Variants in CASZ1 observed in about 807,000 individuals in gnomAD.
CASZ1 encodes zinc finger protein castor homolog 1.
CASZ1 carries 28 observed loss-of-function variants against 135.2 expected under a neutral mutation model. The ratio of observed to expected loss-of-function variants is 0.21; its 90% confidence interval spans 0.15 to 0.28. CASZ1 has a LOEUF of 0.28. Among genes scored for constraint, CASZ1 ranks in the 10% least tolerant of loss-of-function variants. The pLI is 1.00. For missense variants in CASZ1, 2,161 were observed against 2,453.3 expected (o/e 0.88, Z 2.52); for synonymous variants, 1,068 against 1,073.4 (o/e 0.99, Z 0.10).
rs1255526246 is a variant in CASZ1, at chr1:10,701,064, G to C, written c.-24+4428C>G. Among the ~76,000 whole-genome samples, 1 of 152,180 alleles carries C rather than the reference G, an allele frequency of 6.6e-6. No individual in the cohort carries two copies. Among genetic ancestry groups the C allele is most frequent in the Non-Finnish European group, 1.5e-5 (1 of 68,034 alleles). Reference sequence around the variant, plus strand: ...TAATATGGATCAGTCCAAGGCCTGGGCTGGTGTCCATGGGTGTATACCATT... The same window carrying C: ...TAATATGGATCAGTCCAAGGCCTGGCCTGGTGTCCATGGGTGTATACCATT... On this transcript the variant is annotated intron_variant, in intron 3 of 20. Transcript: ENST00000377022. This position sits in a 1 kb window ranked among gnomAD's most constrained non-coding sequence, Gnocchi z 6.3.
At position 10,699,162 on chromosome 1, in the gene CASZ1, G is replaced by A. The variant is rs1488175093; in HGVS notation, c.-23-5250C>T. Among the ~76,000 whole-genome samples, 5 of 152,206 alleles carry A rather than the reference G, an allele frequency of 3.3e-5. No homozygotes were observed. Among genetic ancestry groups the A allele is most frequent in the Admixed American group, 2.6e-4 (4 of 15,288 alleles). ...AGGGTACCAGCCTTCGGGGAGAAGA[G>A]CTGGGGATCGACATGGCCCAAATCT... On this transcript the variant is annotated intron_variant, in intron 3 of 20. Coordinates refer to ENST00000377022, the MANE Select transcript of CASZ1 (RefSeq NM_001079843.3). The surrounding 1 kb of genome is among the most constrained non-coding windows in gnomAD (Gnocchi z 4.6).
chr1:10,778,838 G>T (rs1640708516), intron 1 of CASZ1, among the ~76,000 whole-genome samples: 1 of 152,138 alleles, frequency 6.6e-6, no homozygotes, highest in Non-Finnish European at 1.5e-5. Flanking sequence ...GGGCGTGACT[G>T]CCCAGAACAC....
Position 10,741,991 on chromosome 1 carries a change from G to A in CASZ1, c.-77+18710C>T, listed in dbSNP as rs943257518. 1.6e-4 allele frequency among the ~76,000 whole-genome samples: 25 copies of A among 151,866 alleles called. No individual in the cohort carries two copies. The highest frequency in any genetic ancestry group is 5.8e-4 in the African/African-American group (24 of 41,318). On this transcript the variant is annotated intron_variant, in intron 2 of 20. Transcript: ENST00000377022. The surrounding 1 kb of genome is among the most constrained non-coding windows in gnomAD (Gnocchi z 5.0). ...ACACGGACCCCTCACCGCTTCTCACGTGCCCCCAGCCGCAACCCCACCACG... is the reference window on the plus strand; with the variant it reads ...ACACGGACCCCTCACCGCTTCTCACATGCCCCCAGCCGCAACCCCACCACG...
chr1:10,776,565 T>G lies in CASZ1; in HGVS notation c.-233-15708A>C, dbSNP rs1261060795. 6.6e-6 allele frequency among the ~76,000 whole-genome samples: 1 copy of G among 152,112 alleles called. No homozygotes were observed. The highest frequency in any genetic ancestry group is 1.9e-4 in the East Asian group (1 of 5,196). On this transcript the variant is annotated intron_variant, in intron 1 of 20. Transcript: ENST00000377022. This position sits in a 1 kb window ranked among gnomAD's most constrained non-coding sequence, Gnocchi z 4.1. ...AGACAGGCAGTGATCGATAAGCAGG[T>G]GCATGGGGCATGGGTTGGGGGCACT...
Position 10,636,756 on chromosome 1 carries a change from CGAG to C in CASZ1, c.*2183_*2185del, listed in dbSNP as rs1046628011. ...TATTCAGTTCTTAATAACCAGGTGC[CGAG>C]GAGACCAGATTCAAGTAATCAGAGC... On this transcript the variant is annotated 3_prime_UTR_variant, in exon 21 of 21. Transcript: ENST00000377022. The C allele has an allele frequency of 1.3e-5, 2 of 152,064 alleles. No homozygotes were observed. Among genetic ancestry groups the C allele is most frequent in the Non-Finnish European group, 2.9e-5 (2 of 67,978 alleles). 9.4% of individuals were successfully genotyped at this position (152,064 alleles called of 1,614,324 possible).
rs574349331 is a variant in CASZ1, at chr1:10,719,682, A to G, written c.-76-14138T>C. On this transcript the variant is annotated intron_variant, in intron 2 of 20. Transcript: ENST00000377022. The surrounding 1 kb of genome is among the most constrained non-coding windows in gnomAD (Gnocchi z 4.0). ...GGGCCATGCCCTCAGGTACTGCCCA[A>G]TCCTGAAGCCCGTGGGTCCCAGAGC... Among the ~76,000 whole-genome samples, 7 of 152,354 alleles carry G rather than the reference A, an allele frequency of 4.6e-5. No homozygotes were observed. Among genetic ancestry groups the G allele is most frequent in the African/African-American group, 1.4e-4 (6 of 41,580 alleles).
chr1:10,717,335 C>G lies in CASZ1; in HGVS notation c.-76-11791G>C, dbSNP rs1639413075. On this transcript the variant is annotated intron_variant, in intron 2 of 20. Transcript: ENST00000377022. The surrounding 1 kb of genome is among the most constrained non-coding windows in gnomAD (Gnocchi z 4.6). ...GGCTTCTCTGCCTTTCTGTCCGATGCATCTTTCCTGCCTTGCCGTGCTGGG... is the reference window on the plus strand; with the variant it reads ...GGCTTCTCTGCCTTTCTGTCCGATGGATCTTTCCTGCCTTGCCGTGCTGGG... Among the ~76,000 whole-genome samples the G allele has an allele frequency of 6.6e-6, 1 of 152,168 alleles. No homozygotes were observed. The highest frequency in any genetic ancestry group is 1.5e-5 in the Non-Finnish European group (1 of 68,018).
intron 2 of CASZ1, among the ~76,000 whole-genome samples, chr1:10,715,365 C>A (rs991853200): frequency 6.6e-6 from 1 of 152,072 alleles, no homozygotes; most frequent in African/African-American, 2.4e-5. Context: ...GCAGGATCTG[C>A]GGTGAGAACC....
intron 4 of CASZ1, among the ~76,000 whole-genome samples, chr1:10,692,664 C>A (rs148380588): frequency 1.3e-5 from 2 of 152,294 alleles, no homozygotes; most frequent in African/African-American, 2.4e-5. Flanking sequence ...AATGACACCT[C>A]CCCCCAACAA....
At chr1:10,787,753 G>A (rs180734344) in intron 1 of CASZ1, among the ~76,000 whole-genome samples, 7 of 151,996 alleles carry the variant, frequency 4.6e-5, no homozygotes, top group Admixed American at 1.3e-4. Flanking sequence ...CAAGGCACAC[G>A]CAGGGCATGC....
intron 2 of CASZ1, among the ~76,000 whole-genome samples, chr1:10,752,381 C>T (rs1640165284): frequency 6.6e-6 from 1 of 152,230 alleles, no homozygotes; most frequent in Admixed American, 6.5e-5. Context: ...TAGATAGCAG[C>T]CTCACCAGGG....
chr1:10,709,729 G>A lies in CASZ1; in HGVS notation c.-76-4185C>T, dbSNP rs528666268. On this transcript the variant is annotated intron_variant, in intron 2 of 20. Transcript: ENST00000377022. The surrounding 1 kb of genome is among the most constrained non-coding windows in gnomAD (Gnocchi z 5.1). ...AAAGGCCCCAGGCAGGGGCTGAGCAGTGCCCCGGGCAGTGCCGCAGGGGGA... is the reference window on the plus strand; with the variant it reads ...AAAGGCCCCAGGCAGGGGCTGAGCAATGCCCCGGGCAGTGCCGCAGGGGGA... Among the ~76,000 whole-genome samples, 30 of 152,304 alleles carry A rather than the reference G, an allele frequency of 2.0e-4. No homozygotes were observed. The highest frequency in any genetic ancestry group is 6.8e-3 in the Middle Eastern group (2 of 294).
intron 4 of CASZ1, among the ~76,000 whole-genome samples, chr1:10,675,348 TGA>T (rs1643534086): frequency 6.6e-6 from 1 of 151,960 alleles, no homozygotes; most frequent in Non-Finnish European, 1.5e-5. Context: ...CAGGGAGTCC[TGA>T]GGCCTAAAGG....
intron 1 of CASZ1, among the ~76,000 whole-genome samples, chr1:10,781,509 A>AT (rs894688651): frequency 4.6e-5 from 7 of 152,182 alleles, no homozygotes; most frequent in Admixed American, 2.0e-4. Flanking sequence ...AGCCCTGGGC[A>AT]TTGCAAGCCT....
In CASZ1 at chr1:10,721,492, T is replaced by C. The variant is rs1639495119; in HGVS notation, c.-76-15948A>G. ...AATTGCTGTGACTGATTGTCACATA[T>C]CATCATTTTCATAGGATCTCCTCCA... On this transcript the variant is annotated intron_variant, in intron 2 of 20. Coordinates refer to ENST00000377022, the MANE Select transcript of CASZ1 (RefSeq NM_001079843.3). The surrounding 1 kb of genome is among the most constrained non-coding windows in gnomAD (Gnocchi z 5.4). 6.6e-6 allele frequency among the ~76,000 whole-genome samples: 1 copy of C among 152,132 alleles called. No homozygotes were observed. Among genetic ancestry groups the C allele is most frequent in the South Asian group, 2.1e-4 (1 of 4,826 alleles).
chr1:10,673,942 C>T (rs1018769946), intron 4 of CASZ1, among the ~76,000 whole-genome samples: 2 of 152,250 alleles, frequency 1.3e-5, no homozygotes, highest in African/African-American at 4.8e-5. Flanking sequence ...CCAGGGCTAG[C>T]CCTTGAGGGC....
At position 10,676,407 on chromosome 1, in the gene CASZ1, G is replaced by T. The variant is rs1638223984; in HGVS notation, c.17-10836C>A. Among the ~76,000 whole-genome samples, 1 of 152,150 alleles carries T rather than the reference G, an allele frequency of 6.6e-6. No individual in the cohort carries two copies. Among genetic ancestry groups the T allele is most frequent in the Non-Finnish European group, 1.5e-5 (1 of 68,010 alleles). On this transcript the variant is annotated intron_variant, in intron 4 of 20. Transcript: ENST00000377022. The surrounding 1 kb of genome is among the most constrained non-coding windows in gnomAD (Gnocchi z 4.5). Reference sequence around the variant, plus strand: ...AGCAAAGCTCTCACTCCATCACACAGCGTTAGCCCCAAAAGGTGACCTTTC... The same window carrying T: ...AGCAAAGCTCTCACTCCATCACACATCGTTAGCCCCAAAAGGTGACCTTTC...
At chr1:10,773,445 G>A (rs892355004) in intron 1 of CASZ1, among the ~76,000 whole-genome samples, 1 of 152,020 alleles carries the variant, frequency 6.6e-6, no homozygotes, top group Non-Finnish European at 1.5e-5. Flanking sequence ...TGGATGGGTG[G>A]CAGCCAAGCC....
chr1:10,738,238 C>T lies in CASZ1; in HGVS notation c.-77+22463G>A, dbSNP rs138444091. Among the ~76,000 whole-genome samples the T allele has an allele frequency of 2.0e-3, 304 of 152,140 alleles. 5 individuals carry two copies. In the East Asian group the frequency reaches 0.026, roughly 13 times the overall value. On this transcript the variant is annotated intron_variant, in intron 2 of 20. Transcript: ENST00000377022. ...AAGAGGTGGCCTTTGAACCAGAGAC[C>T]CAAGGGAACAGGGCCGCCTGGGCCT...
Sources: allele counts gnomAD v4.1 joint callset (sites outside exome capture counted in the v4.1 genomes callset), GRCh38; gene constraint gnomAD v4.1.1; non-coding constraint Gnocchi (gnomAD v3.1); transcripts MANE v1.5; gene names NCBI Gene and HGNC (gene_info 2026-07-23, HGNC 2026-07-21).